The following FOXN3 variants were observed in gnomAD, a reference collection of about 807,000 sequenced individuals.
FOXN3 encodes the protein forkhead box protein N3.
In FOXN3, 7 loss-of-function variants were observed where a neutral mutation model predicts 38.4. That is an observed-to-expected ratio of 0.18 (90% CI 0.10 to 0.34). The LOEUF (loss-of-function observed/expected upper bound fraction) is 0.34, where lower values mean the gene tolerates loss of function less well. Ranked by LOEUF, FOXN3 falls within the 10% of genes least tolerant of loss-of-function variation. FOXN3 has a pLI of 1.00. For missense variants in FOXN3, 456 were observed against 613.4 expected, an observed-to-expected ratio of 0.74 and a Z score of 2.71; for synonymous variants, 230 against 242.2, an observed-to-expected ratio of 0.95 and a Z score of 0.47.
intron 4 of FOXN3, among the ~76,000 whole-genome samples, chr14:89,223,672 G>A (rs1339326341): frequency 2.0e-5 from 3 of 152,208 alleles, no homozygotes; most frequent in Non-Finnish European, 4.4e-5. Context: ...AGGGTGAGAG[G>A]TGGGCCGGGT....
intron 2 of FOXN3, among the ~76,000 whole-genome samples, chr14:89,392,603 G>A (rs1307957738): frequency 2.0e-5 from 3 of 150,154 alleles, no homozygotes; most frequent in Admixed American, 6.7e-5. Context: ...ACACTCACAC[G>A]GTGCTCTCCC....
chr14:89,553,373 C>G (rs1032890074), intron 1 of FOXN3, among the ~76,000 whole-genome samples: 1 of 146,584 alleles, frequency 6.8e-6, no homozygotes, highest in African/African-American at 2.5e-5. Context: ...TAGGGAAAGA[C>G]TATAAAGTAG....
chr14:89,561,852 A>T (rs1895255940), intron 1 of FOXN3, among the ~76,000 whole-genome samples: 1 of 152,186 alleles, frequency 6.6e-6, no homozygotes, highest in Non-Finnish European at 1.5e-5. Context: ...AATAAACATC[A>T]CTAATTTTGC....
intron 4 of FOXN3, among the ~76,000 whole-genome samples, chr14:89,198,593 T>G (rs1888157176): frequency 6.6e-6 from 1 of 152,228 alleles, no homozygotes; most frequent in Non-Finnish European, 1.5e-5. Flanking sequence ...TGCAGGCAAT[T>G]TTGCACTTCT....
intron 1 of FOXN3, among the ~76,000 whole-genome samples, chr14:89,470,281 C>T (rs1046737488): frequency 2.7e-5 from 3 of 110,210 alleles, no homozygotes; most frequent in Non-Finnish European, 3.8e-5. Flanking sequence ...TTACATATTT[C>T]TCTCTGACTT....
chr14:89,612,853 C>T (rs914934078), intron 1 of FOXN3, among the ~76,000 whole-genome samples: 1 of 151,588 alleles, frequency 6.6e-6, no homozygotes, highest in Non-Finnish European at 1.5e-5. Flanking sequence ...GACACGGTGG[C>T]TCACGCTTGT....
chr14:89,409,353 G>C (rs1051132628), intron 2 of FOXN3: 1 of 142,814 alleles, frequency 7.0e-6, no homozygotes, highest in African/African-American at 2.5e-5. Flanking sequence ...GGTGGGGGAC[G>C]GGGGGGTCGC....
rs139532153 is a variant in FOXN3, at chr14:89,162,807, G to A, written c.1014C>T (p.Ser338=). 39 of 1,518,178 alleles carry A rather than the reference G, an allele frequency of 2.6e-5. 1 individual carries two copies. The highest frequency in any genetic ancestry group is 3.3e-5 in the Non-Finnish European group (37 of 1,125,666). 94.0% of individuals were successfully genotyped at this position (1,518,178 alleles called of 1,614,324 possible). A position where few individuals can be genotyped will look rare whatever the true frequency, so the allele number is the denominator to read the frequency against. ...PTSDSISSSS[S]SADDHYEFAT... is the part of the protein sequence containing the mutation. ...CAAACTCATAGTGGTCGTCGGCTGA[G>A]GAGGAGGAGGAGGAGATGGAGTCGC... is the stretch of plus-strand genomic sequence containing the variant. Residue 338 remains serine, a synonymous_variant, in exon 6 of 6, where the codon TCC becomes TCT. Transcript: ENST00000557258. This position sits in a 1 kb window ranked among gnomAD's most constrained non-coding sequence, Gnocchi z 7.2.
In FOXN3 at chr14:89,511,213, TTCTTTC is replaced by T. The variant is rs1566681091; in HGVS notation, c.-14-98729_-14-98724del. 1.6e-3 allele frequency among the ~76,000 whole-genome samples: 36 copies of T among 22,838 alleles called. 2 individuals are homozygous for T. Among genetic ancestry groups the T allele is most frequent in the African/African-American group, 3.1e-3 (29 of 9,416 alleles). 15.0% of individuals were successfully genotyped at this position (22,838 alleles called of 152,430 possible). A position where few individuals can be genotyped will look rare whatever the true frequency, so the allele number is the denominator to read the frequency against. On this transcript the variant is annotated intron_variant, in intron 1 of 6. Coordinates refer to the FOXN3 transcript ENST00000345097. ...TCTTTTCTTTCTTTCTTTTCTTTCTTTCTTTCTTTCTTTCTTTTCTTTCCTTTTCTT... is the reference window on the plus strand; with the variant it reads ...TCTTTTCTTTCTTTCTTTTCTTTCTTTTTCTTTCTTTTCTTTCCTTTTCTT...
chr14:89,541,392 A>G (rs1894788380), intron 1 of FOXN3, among the ~76,000 whole-genome samples: 1 of 152,230 alleles, frequency 6.6e-6, no homozygotes, highest in African/African-American at 2.4e-5. Flanking sequence ...TTTGTGGTAA[A>G]GAAGCTGGCC....
intron 4 of FOXN3, chr14:89,230,906 CT>C: frequency 2.2e-6 from 1 of 455,688 alleles, no homozygotes; most frequent in South Asian, 1.5e-5. Flanking sequence ...AGTACTTCTT[CT>C]ATTTTCTCAT....
At chr14:89,321,387 C>A (rs2139972694) in intron 3 of FOXN3, among the ~76,000 whole-genome samples, 1 of 152,092 alleles carries the variant, frequency 6.6e-6, no homozygotes, top group East Asian at 1.9e-4. Flanking sequence ...ACCATCCTGG[C>A]TAAAATGGTG....
At chr14:89,594,337 G>A (rs1596327646) in intron 1 of FOXN3, among the ~76,000 whole-genome samples, 2 of 152,236 alleles carry the variant, frequency 1.3e-5, no homozygotes, top group African/African-American at 2.4e-5. Flanking sequence ...ACCAGTGTAT[G>A]AGAATTCTCA....
intron 4 of FOXN3, among the ~76,000 whole-genome samples, chr14:89,199,814 G>A (rs1004710838): frequency 2.6e-5 from 4 of 152,112 alleles, no homozygotes; most frequent in African/African-American, 9.7e-5. Context: ...TGAGGCAGGA[G>A]AATCACTGGA....
chr14:89,552,752 T>C (rs921214444), intron 1 of FOXN3, among the ~76,000 whole-genome samples: 3 of 151,668 alleles, frequency 2.0e-5, no homozygotes, highest in Non-Finnish European at 2.9e-5. Flanking sequence ...CCAGCTACTA[T>C]GGAGGCTGAG....
At chr14:89,174,542 A>G (rs182343174) in intron 5 of FOXN3, among the ~76,000 whole-genome samples, 48 of 152,334 alleles carry the variant, frequency 3.2e-4, no homozygotes, top group Non-Finnish European at 5.3e-4. Context: ...ACAACAGTCC[A>G]GAATCATTGG....
chr14:89,586,745 T>TC, intron 1 of FOXN3, among the ~76,000 whole-genome samples: 1 of 152,312 alleles, frequency 6.6e-6, no homozygotes, highest in East Asian at 1.9e-4. Flanking sequence ...TGGTATTCCC[T>TC]CCCACCATTT....
intron 2 of FOXN3, among the ~76,000 whole-genome samples, chr14:89,374,527 C>A (rs1890415326): frequency 6.6e-6 from 1 of 151,954 alleles, no homozygotes; most frequent in African/African-American, 2.4e-5. Context: ...TAATACAAAA[C>A]CCATCAGAGG....
chr14:89,191,948 G>GTATATATATATATATATAGATA (rs566312671), intron 4 of FOXN3, among the ~76,000 whole-genome samples: 1 of 117,966 alleles, frequency 8.5e-6, no homozygotes, highest in African/African-American at 4.7e-5. Flanking sequence ...ACTGATATTA[G>GTATATATATATATATATAGATA]TATATATATA....
Sources: allele counts gnomAD v4.1 joint callset (sites outside exome capture counted in the v4.1 genomes callset), GRCh38; gene constraint gnomAD v4.1.1; non-coding constraint Gnocchi (gnomAD v3.1); transcripts MANE v1.5; gene names NCBI Gene and HGNC (gene_info 2026-07-23, HGNC 2026-07-21).